Variants in CCDC187 observed in about 807,000 individuals in gnomAD.
CCDC187 encodes coiled-coil domain containing 187.
A neutral mutation model predicts 38.0 loss-of-function variants in CCDC187; 32 were observed. The ratio of observed to expected loss-of-function variants is 0.84; its 90% CI spans 0.64 to 1.13. The LOEUF is 1.13. Among genes scored for constraint, CCDC187 ranks in the 50% most tolerant of loss-of-function variants. CCDC187 has a pLI of 0.00. For synonymous variants in CCDC187, 333 were observed against 347.9 expected, an observed-to-expected ratio of 0.96 and a Z score of 0.48; for missense variants, 707 against 786.8, an observed-to-expected ratio of 0.90 and a Z score of 1.21.
chr9:136,284,957 G>T (rs878975207), intron 9 of CCDC187, among the ~76,000 whole-genome samples: 2 of 151,890 alleles, frequency 1.3e-5, no homozygotes, highest in Admixed American at 1.3e-4. Flanking sequence ...CAGGCGCTGG[G>T]GTAGGGCAGA....
At chr9:136,259,747 C>T (rs1199367441) in intron 20 of CCDC187, among the ~76,000 whole-genome samples, 1 of 152,200 alleles carries the variant, frequency 6.6e-6, no homozygotes, top group Non-Finnish European at 1.5e-5. Flanking sequence ...CTCTGTGGGC[C>T]TGTGTTTCTG....
intron 19 of CCDC187, among the ~76,000 whole-genome samples, chr9:136,261,453 G>T (rs1282773895): frequency 6.6e-6 from 1 of 151,946 alleles, no homozygotes; most frequent in Non-Finnish European, 1.5e-5. Flanking sequence ...CCCATGCTGG[G>T]GTCCAGGTCT....
rs1392641997 is a variant in CCDC187, at chr9:136,255,232, C to T, written c.4694-98G>A. ...GCCAGGAGGTCAGAACAGAGAAACA[C>T]CCTGAACAGAGGCAGGAAAAGCGTC... is the stretch of plus-strand genomic sequence containing the variant. On this transcript the variant is annotated intron_variant, in intron 25 of 25. Coordinates refer to ENST00000638797, the MANE Select transcript of CCDC187 (RefSeq NM_001378188.1). The T allele has an allele frequency of 2.5e-5, 14 of 558,540 alleles. No homozygotes were observed. The Admixed American group carries it at 8.9e-4, about 36-fold the overall frequency. 34.6% of individuals were successfully genotyped at this position (558,540 alleles called of 1,614,324 possible).
Position 136,297,739 on chromosome 9 carries a change from C to T in CCDC187, c.807G>A (p.Ala269=), listed in dbSNP as rs1458258475. 2.3e-5 allele frequency: 9 copies of T among 398,696 alleles called. No individual in the cohort carries two copies. The highest frequency in any genetic ancestry group is 1.1e-4 in the East Asian group (3 of 28,076). 24.7% of individuals were successfully genotyped at this position (398,696 alleles called of 1,614,324 possible). ...KTPKLPSPRR[A]AKDKHKDEDS... ...CTTCGTCTTTGTGTTTGTCTTTGGC[C>T]GCTCTTCTAGGGGAGGGCAACTTGG... The change falls in exon 4 of 26, where the codon GCG becomes GCA. Residue 269 remains alanine (A), a synonymous_variant. Transcript: ENST00000638797.
rs1375120073 is a variant in CCDC187 at position 136,251,696 on chromosome 9, G to A, written c.*1898C>T. On this transcript the variant is annotated 3_prime_UTR_variant, in exon 26 of 26. Transcript: ENST00000638797. The stretch of plus-strand genomic sequence containing the variant: ...CGCCCCGTCCTCGTTCCTGCTCTTG[G>A]CGACTCTGACTGTTCTTGCCTCTGG... The A allele has an allele frequency of 6.5e-6, 1 of 155,024 alleles. No individual in the cohort carries two copies. The highest frequency in any genetic ancestry group is 2.4e-5 in the African/African-American group (1 of 41,476). The allele number at this position is 155,024 out of a possible 1,614,324, so 9.6% of individuals were successfully genotyped here. A position where few individuals can be genotyped will look rare whatever the true frequency, so the allele number is the denominator to read the frequency against.
chr9:136,271,769 G>A (rs1338242496), intron 14 of CCDC187, among the ~76,000 whole-genome samples: 1 of 151,662 alleles, frequency 6.6e-6, no homozygotes, highest in Non-Finnish European at 1.5e-5. Context: ...CACCGCATCT[G>A]GCTAATTTTT....
Position 136,255,751 on chromosome 9 carries a change from G to T in CCDC187, c.4617-18C>A. 1.0e-6 allele frequency: 1 copy of T among 984,068 alleles called. No individual in the cohort carries two copies. The highest frequency in any genetic ancestry group is 1.2e-6 in the Non-Finnish European group (1 of 828,644). 61.0% of individuals were successfully genotyped at this position (984,068 alleles called of 1,614,324 possible). A position where few individuals can be genotyped will look rare whatever the true frequency, so the allele number is the denominator to read the frequency against. The stretch of plus-strand genomic sequence containing the variant: ...CCTCCGTCCTGCAAGCACATTCGTG[G>T]AGAACCCTGTGGGGATCCTGGTCCT... On this transcript the variant is annotated intron_variant, in intron 24 of 25. Transcript: ENST00000638797.
At chr9:136,306,662 C>T (rs982311625), upstream of CCDC187, 1,754 of 152,632 alleles carry the variant, frequency 0.011, 23 homozygotes, top group South Asian at 0.033. Context: ...GAAGGCCGGG[C>T]GTGCCAAGCT....
chr9:136,267,319 AGG>A (rs1238644279), intron 16 of CCDC187, 63 bp downstream of exon 16: 3 of 814,892 alleles, frequency 3.7e-6, no homozygotes, highest in Non-Finnish European at 4.1e-6. Context: ...GGGCTACAGC[AGG>A]GCGGGGCTAC....
In CCDC187 at chr9:136,300,766, T is replaced by G. The variant is rs1044539887; in HGVS notation, c.626-448A>C. On this transcript the variant is annotated intron_variant, in intron 2 of 25. Coordinates refer to ENST00000638797, the MANE Select transcript of CCDC187 (RefSeq NM_001378188.1). ...ACGCCTGCCACAACACCTGGCTAATTTTTTTGTATTTTTAGTAGAGACGGG... is the reference window on the plus strand; with the variant it reads ...ACGCCTGCCACAACACCTGGCTAATGTTTTTGTATTTTTAGTAGAGACGGG... Among the ~76,000 whole-genome samples the G allele has an allele frequency of 5.9e-5, 9 of 152,156 alleles. No individual in the cohort carries two copies. In the East Asian group the frequency reaches 1.7e-3, roughly 29 times the overall value.
intron 4 of CCDC187, among the ~76,000 whole-genome samples, chr9:136,292,830 G>A (rs996546095): frequency 1.3e-5 from 2 of 152,236 alleles, no homozygotes; most frequent in Non-Finnish European, 2.9e-5. Context: ...TCACACGGGT[G>A]GGCAGCGGTG....
intron 19 of CCDC187, among the ~76,000 whole-genome samples, chr9:136,262,108 G>A (rs1830685788): frequency 6.6e-6 from 1 of 152,384 alleles, no homozygotes; most frequent in African/African-American, 2.4e-5. Context: ...ACGGCCATAC[G>A]GCCAAGCCTC....
chr9:136,293,528 C>CACGT (rs1160780111), intron 4 of CCDC187, among the ~76,000 whole-genome samples: 1 of 142,570 alleles, frequency 7.0e-6, no homozygotes, highest in Non-Finnish European at 1.5e-5. Flanking sequence ...CTCACATACA[C>CACGT]GCTTACACAC....
chr9:136,294,064 TCACA>T (rs1190375548), intron 4 of CCDC187, among the ~76,000 whole-genome samples: 11 of 138,430 alleles, frequency 7.9e-5, no homozygotes, highest in African/African-American at 2.5e-4. Flanking sequence ...ACATGTGCTC[TCACA>T]CACTCACACG....
intron 15 of CCDC187, 92 bp from the exon 16 acceptor site, chr9:136,267,603 C>G (rs527638852): frequency 8.4e-4 from 832 of 985,608 alleles, no homozygotes; most frequent in Admixed American, 1.8e-3. Flanking sequence ...GCGTCACCGC[C>G]TAGCTTCTAG....
intron 14 of CCDC187, among the ~76,000 whole-genome samples, chr9:136,268,552 T>C (rs940099141): frequency 1.9e-4 from 29 of 152,182 alleles, no homozygotes; most frequent in Non-Finnish European, 3.5e-4. Context: ...CTGGCCATGC[T>C]TCTGTTCTGA....
chr9:136,290,605 G>A lies in CCDC187; in HGVS notation c.2008C>T (p.Arg670Trp), dbSNP rs985621374. Residue 670 changes from arginine to tryptophan, a missense_variant, in exon 6 of 26, where the codon CGG becomes TGG. By Grantham distance (101) the Arg-to-Trp change is moderately radical. Coordinates refer to ENST00000638797, the MANE Select transcript of CCDC187 (RefSeq NM_001378188.1). ...SALRTRELRSRRLQEVYRQQR... is the reference protein window; with the variant it reads ...SALRTRELRSWRLQEVYRQQR... ...TGCCGGTAGACCTCCTGCAGCCTCCGGCTCCTCAGCTCCCGTGTGCGCAGG... is the reference window on the plus strand; with the variant it reads ...TGCCGGTAGACCTCCTGCAGCCTCCAGCTCCTCAGCTCCCGTGTGCGCAGG... The A allele has an allele frequency of 1.6e-4, 63 of 398,590 alleles. No individual in the cohort carries two copies. The highest frequency in any genetic ancestry group is 4.0e-4 in the Admixed American group (9 of 22,748). The allele number at this position is 398,590 out of a possible 1,614,324, so 24.7% of individuals were successfully genotyped here.
At chr9:136,266,242 C>G (rs1474033100) in intron 16 of CCDC187, 199 bp from the exon 17 acceptor site, 1 of 158,492 alleles carries the variant, frequency 6.3e-6, no homozygotes, top group African/African-American at 2.4e-5. Flanking sequence ...CGGGCTGTCA[C>G]TCTTCCACCC....
At chr9:136,269,851 A>G (rs1407784496) in intron 14 of CCDC187, among the ~76,000 whole-genome samples, 1 of 152,198 alleles carries the variant, frequency 6.6e-6, no homozygotes, top group Non-Finnish European at 1.5e-5. Flanking sequence ...TCGTAACTCT[A>G]TCGCATATGT....
Sources: gnomAD v4.1 joint callset for allele counts (sites outside exome capture counted in the v4.1 genomes callset) on GRCh38, gnomAD v4.1.1 for gene constraint, MANE v1.5 for transcripts, NCBI Gene and HGNC (gene_info 2026-07-23, HGNC 2026-07-21) for gene names.